WDR43: variants seen among roughly 807,000 people sequenced by gnomAD.
WDR43 encodes WD repeat domain 43.
In WDR43, 13 loss-of-function variants were observed where a neutral mutation model predicts 91.4. That is an observed-to-expected ratio of 0.14 (90% CI 0.09 to 0.23). The LOEUF (loss-of-function observed/expected upper bound fraction) is 0.23. Among genes scored for constraint, WDR43 ranks in the 10% least tolerant of loss-of-function variants. WDR43 has a pLI of 1.00. For missense variants in WDR43, 780 were observed against 809.4 expected (o/e 0.96, Z 0.44); for synonymous variants, 331 against 287.9 (o/e 1.15, Z -1.51).
At chr2:28,912,947 A>ATTTTTTTTTTT (rs35646381) in intron 4 of WDR43, among the ~76,000 whole-genome samples, 1 of 100,960 alleles carries the variant, frequency 9.9e-6, no homozygotes, top group Admixed American at 1.2e-4. Context: ...AAGAAACAAG[A>ATTTTTTTTTTT]TTTTTTTTTT....
intron 3 of WDR43, among the ~76,000 whole-genome samples, chr2:28,909,388 C>T (rs1217467301): frequency 6.6e-6 from 1 of 152,188 alleles, no homozygotes; most frequent in East Asian, 1.9e-4. Context: ...CCGCCTCGGC[C>T]TCCCAAAGTG....
chr2:28,923,396 A>G (rs1671073492), intron 7 of WDR43, among the ~76,000 whole-genome samples: 1 of 152,172 alleles, frequency 6.6e-6, no homozygotes, highest in Non-Finnish European at 1.5e-5. Context: ...GAGTCAGCAA[A>G]CCGGCTTGCA....
intron 2 of WDR43, among the ~76,000 whole-genome samples, chr2:28,905,665 C>CTTTTTTTTTTTTT (rs942200958): frequency 1.2e-5 from 1 of 80,126 alleles, no homozygotes; most frequent in Non-Finnish European, 2.6e-5. Context: ...CTCTTCTTCT[C>CTTTTTTTTTTTTT]TTTTTTTTTT....
chr2:28,929,530 A>C, intron 10 of WDR43, 49 bp from the exon 11 acceptor site: 2 of 1,466,018 alleles, frequency 1.4e-6, no homozygotes, highest in Admixed American at 2.5e-5. Flanking sequence ...TCTCCAAACT[A>C]CTTTAAGTCT....
chr2:28,912,256 C>T (rs557690614), intron 3 of WDR43, among the ~76,000 whole-genome samples: 8 of 152,220 alleles, frequency 5.3e-5, no homozygotes, highest in South Asian at 2.1e-4. Context: ...CCTGGACATT[C>T]GCAAAGTTCA....
At chr2:28,941,314 A>G (rs767487275) in intron 14 of WDR43, 147 bp from the exon 15 acceptor site, 2 of 566,474 alleles carry the variant, frequency 3.5e-6, no homozygotes, top group East Asian at 3.0e-5. Context: ...TTGTTAGGCT[A>G]TGTTGCAGGT....
Position 28,905,729 on chromosome 2 carries a change from A to G in WDR43, c.364-731A>G, listed in dbSNP as rs1261575480. Among the ~76,000 whole-genome samples, 4 of 149,706 alleles carry G rather than the reference A, an allele frequency of 2.7e-5. No individual in the cohort carries two copies. The South Asian group carries it at 8.4e-4, about 32-fold the overall frequency. On this transcript the variant is annotated intron_variant, in intron 2 of 17. Coordinates refer to ENST00000407426, the MANE Select transcript of WDR43 (RefSeq NM_015131.3). Reference sequence around the variant, plus strand: ...TGCCCAGGCTGGAGGCAATGGCGCAATCTTGGCTCACTGCAACCTCTGCCT... The same window carrying G: ...TGCCCAGGCTGGAGGCAATGGCGCAGTCTTGGCTCACTGCAACCTCTGCCT...
At chr2:28,940,760 A>T (rs2148199791) in intron 14 of WDR43, among the ~76,000 whole-genome samples, 1 of 152,328 alleles carries the variant, frequency 6.6e-6, no homozygotes, top group South Asian at 2.1e-4. Flanking sequence ...TTAAGATTTT[A>T]TGAGAAAGGC....
rs1553328233 is a variant in WDR43, at chr2:28,924,945, TCAAA to T, written c.915-36_915-33del. On this transcript the variant is annotated intron_variant, in intron 7 of 17. Coordinates refer to ENST00000407426, the MANE Select transcript of WDR43 (RefSeq NM_015131.3). Reference sequence around the variant, plus strand: ...CAGAGAGTTAGTATGAGACGTTTTTTCAAATTCTTTAATCTCATTTCCCCCTCCA... The same window carrying T: ...CAGAGAGTTAGTATGAGACGTTTTTTTTCTTTAATCTCATTTCCCCCTCCA... 4.3e-5 allele frequency: 68 copies of T among 1,586,554 alleles called. No individual in the cohort carries two copies. The Admixed American group carries it at 5.2e-4, about 12-fold the overall frequency.
At chr2:28,941,687 G>A in intron 15 of WDR43, 113 bp downstream of exon 15, 2 of 785,746 alleles carry the variant, frequency 2.5e-6, no homozygotes, top group Non-Finnish European at 2.1e-6. Flanking sequence ...CTGCACTGCG[G>A]TAGCATGATC....
chr2:28,926,695 A>G, intron 9 of WDR43, 141 bp downstream of exon 9: 1 of 725,380 alleles, frequency 1.4e-6, no homozygotes, highest in Non-Finnish European at 2.2e-6. Context: ...TTGTGGGATT[A>G]TGGTTTTAGA....
intron 3 of WDR43, 126 bp downstream of exon 3, chr2:28,906,707 C>A (rs1670688775): frequency 7.4e-6 from 9 of 1,214,882 alleles, no homozygotes; most frequent in Admixed American, 3.4e-5. Context: ...ATCGAGCATG[C>A]AAGATTTTAA....
intron 11 of WDR43, 77 bp downstream of exon 11, chr2:28,929,787 G>A (rs1558380184): frequency 7.0e-7 from 1 of 1,431,710 alleles, no homozygotes; most frequent in South Asian, 1.3e-5. Context: ...CACATTCACA[G>A]CTGTGAGCCA....
At chr2:28,929,429 TGAGGTTCTCTTG>T in intron 10 of WDR43, 138 bp from the exon 11 acceptor site, 1 of 666,110 alleles carries the variant, frequency 1.5e-6, no homozygotes. Flanking sequence ...ATTATGGTAA[TGAGGTTCTCTTG>T]GAATAAGAAT....
chr2:28,937,180 G>A (rs752321180), intron 13 of WDR43, among the ~76,000 whole-genome samples: 32 of 152,140 alleles, frequency 2.1e-4, no homozygotes, highest in Non-Finnish European at 4.4e-4. Flanking sequence ...TCATTTAAAT[G>A]ATTAGTCTTA....
chr2:28,930,962 T>TA (rs893527896), intron 11 of WDR43, among the ~76,000 whole-genome samples: 1 of 151,998 alleles, frequency 6.6e-6, no homozygotes, highest in African/African-American at 2.4e-5. Context: ...AAACATCCTT[T>TA]AAAAAAATAA....
intron 11 of WDR43, among the ~76,000 whole-genome samples, chr2:28,934,778 T>C (rs1671307964): frequency 6.6e-6 from 1 of 152,212 alleles, no homozygotes; most frequent in Non-Finnish European, 1.5e-5. Flanking sequence ...TTGGTGCCAC[T>C]GCTGTTTCTA....
intron 16 of WDR43, among the ~76,000 whole-genome samples, chr2:28,945,465 A>G (rs978727398): frequency 1.3e-5 from 2 of 152,092 alleles, no homozygotes; most frequent in Non-Finnish European, 2.9e-5. Context: ...TCCCTTTTTC[A>G]TGACATGGAC....
intron 14 of WDR43, among the ~76,000 whole-genome samples, chr2:28,938,938 G>C (rs931583417): frequency 2.7e-4 from 41 of 152,004 alleles, no homozygotes; most frequent in African/African-American, 9.7e-4. Context: ...TGGGAGCACT[G>C]GTGAGAGGGG....
Sources: gnomAD v4.1 joint callset for allele counts (sites outside exome capture counted in the v4.1 genomes callset) on GRCh38, gnomAD v4.1.1 for gene constraint, MANE v1.5 for transcripts, NCBI Gene and HGNC (gene_info 2026-07-23, HGNC 2026-07-21) for gene names.